TBL1XR1: variants seen among roughly 807,000 people sequenced by gnomAD.
TBL1XR1 encodes F-box-like/WD repeat-containing protein TBL1XR1.
In TBL1XR1, 5 loss-of-function variants were observed where a neutral mutation model predicts 66.9. The observed-to-expected ratio is 0.07, with a 90% CI of 0.04 to 0.16. The LOEUF (loss-of-function observed/expected upper bound fraction) is 0.16. TBL1XR1 is among the 10% of genes least tolerant of loss of function. The pLI, the probability that TBL1XR1 is intolerant of heterozygous loss-of-function variation, is 1.00. For missense variants in TBL1XR1, 238 were observed against 623.2 expected, an observed-to-expected ratio of 0.38 and a Z score of 6.58; for synonymous variants, 210 against 206.0, an observed-to-expected ratio of 1.02 and a Z score of -0.17.
chr3:177,090,355 T>TAA (rs1722670335), intron 2 of TBL1XR1, among the ~76,000 whole-genome samples: 1 of 152,110 alleles, frequency 6.6e-6, no homozygotes, highest in South Asian at 2.1e-4. Flanking sequence ...CAAATATTTT[T>TAA]AAATTCTAAA....
At chr3:177,134,584 T>C (rs557956431) in intron 1 of TBL1XR1, among the ~76,000 whole-genome samples, 2 of 152,328 alleles carry the variant, frequency 1.3e-5, no homozygotes, top group South Asian at 4.1e-4. Context: ...TTTGCAGCTT[T>C]AAGATAATTC....
intron 2 of TBL1XR1, among the ~76,000 whole-genome samples, chr3:177,084,103 GA>G (rs1164650662): frequency 1.1e-5 from 1 of 88,788 alleles, no homozygotes; most frequent in Non-Finnish European, 2.5e-5. Flanking sequence ...AAAAAAAAAA[GA>G]AAAAAGAAAA....
At chr3:177,193,993 G>A (rs181323740) in intron 1 of TBL1XR1, 42 of 152,326 alleles carry the variant, frequency 2.8e-4, no homozygotes, top group African/African-American at 9.9e-4. Flanking sequence ...ACACCTCCTA[G>A]AGCATAGCCC....
chr3:177,197,769 G>A (rs548873458), upstream of TBL1XR1, among the ~76,000 whole-genome samples: 58 of 147,388 alleles, frequency 3.9e-4, no homozygotes, highest in Non-Finnish European at 7.7e-4. Flanking sequence ...GGCACTGGGG[G>A]CTGGGCTGTG....
At chr3:177,061,456 A>G (rs565599727) in intron 3 of TBL1XR1, among the ~76,000 whole-genome samples, 1 of 152,230 alleles carries the variant, frequency 6.6e-6, no homozygotes, top group African/African-American at 2.4e-5. Flanking sequence ...ACTAAACCAC[A>G]TATTTATCAA....
intron 1 of TBL1XR1, among the ~76,000 whole-genome samples, chr3:177,159,286 C>T (rs566278661): frequency 2.8e-4 from 42 of 152,084 alleles, no homozygotes; most frequent in Non-Finnish European, 5.0e-4. Context: ...TATATCAATT[C>T]TCTAATGCTA....
intron 2 of TBL1XR1, among the ~76,000 whole-genome samples, chr3:177,084,795 C>T (rs1338182372): frequency 1.3e-5 from 2 of 152,232 alleles, no homozygotes; most frequent in African/African-American, 2.4e-5. Context: ...ACTCCAATGC[C>T]ATTCTCTTAA....
intron 10 of TBL1XR1, among the ~76,000 whole-genome samples, chr3:177,042,685 G>C (rs1715754493): frequency 6.6e-6 from 1 of 152,098 alleles, no homozygotes; most frequent in African/African-American, 2.4e-5. Flanking sequence ...TGACAAGTGA[G>C]AGAAGTGTGT....
At chr3:177,191,008 G>A (rs1260437994) in intron 1 of TBL1XR1, among the ~76,000 whole-genome samples, 1 of 152,180 alleles carries the variant, frequency 6.6e-6, no homozygotes, top group African/African-American at 2.4e-5. Context: ...ATTCATGGAA[G>A]AAGGGGGACT....
intron 1 of TBL1XR1, among the ~76,000 whole-genome samples, chr3:177,133,547 A>G (rs958561876): frequency 6.6e-6 from 1 of 152,224 alleles, no homozygotes; most frequent in African/African-American, 2.4e-5. Context: ...TCATATGCAG[A>G]CACACAGAAG....
At chr3:177,076,291 C>T (rs1720691855) in intron 2 of TBL1XR1, among the ~76,000 whole-genome samples, 1 of 152,188 alleles carries the variant, frequency 6.6e-6, no homozygotes, top group Non-Finnish European at 1.5e-5. Flanking sequence ...GGGACAAATT[C>T]GGACCATAGA....
intron 14 of TBL1XR1, among the ~76,000 whole-genome samples, chr3:177,028,193 T>C (rs1713427892): frequency 6.6e-6 from 1 of 152,132 alleles, no homozygotes; most frequent in Non-Finnish European, 1.5e-5. Context: ...AGGCAACTCA[T>C]CATACAAGAA....
chr3:177,101,841 C>T (rs1724259151), intron 1 of TBL1XR1, among the ~76,000 whole-genome samples: 1 of 152,186 alleles, frequency 6.6e-6, no homozygotes, highest in African/African-American at 2.4e-5. Context: ...ATCACCGGTG[C>T]TTTGCGGAAC....
At chr3:177,179,152 G>T (rs1734508596) in intron 1 of TBL1XR1, among the ~76,000 whole-genome samples, 1 of 151,090 alleles carries the variant, frequency 6.6e-6, no homozygotes, top group Non-Finnish European at 1.5e-5. Flanking sequence ...GATACTTGGG[G>T]CTGTGAAGAG....
chr3:177,156,851 G>A (rs534189264), intron 1 of TBL1XR1, among the ~76,000 whole-genome samples: 17 of 152,132 alleles, frequency 1.1e-4, no homozygotes, highest in Non-Finnish European at 2.1e-4. Context: ...TGCTACATCC[G>A]CACAACAAAA....
At chr3:177,153,686 G>C (rs1333227319) in intron 1 of TBL1XR1, among the ~76,000 whole-genome samples, 1 of 152,058 alleles carries the variant, frequency 6.6e-6, no homozygotes, top group Non-Finnish European at 1.5e-5. Context: ...TCAGGAGTTT[G>C]AGACCAGCCT....
intron 3 of TBL1XR1, among the ~76,000 whole-genome samples, chr3:177,054,711 G>T (rs1017819523): frequency 3.3e-5 from 5 of 152,068 alleles, no homozygotes; most frequent in African/African-American, 1.2e-4. Flanking sequence ...TGAATTAAGT[G>T]CTTTAAAAAT....
chr3:177,160,174 T>C (rs1464385933), intron 1 of TBL1XR1, among the ~76,000 whole-genome samples: 4 of 152,026 alleles, frequency 2.6e-5, no homozygotes, highest in Non-Finnish European at 4.4e-5. Flanking sequence ...TTGCAAACCA[T>C]GTAAGTAGAA....
intron 2 of TBL1XR1, among the ~76,000 whole-genome samples, chr3:177,083,409 T>G (rs949803039): frequency 2.0e-5 from 3 of 152,352 alleles, no homozygotes; most frequent in Admixed American, 6.5e-5. Flanking sequence ...TTCATATTTC[T>G]CTATCTTTCT....
Sources: allele counts gnomAD v4.1 joint callset (sites outside exome capture counted in the v4.1 genomes callset), GRCh38; gene constraint gnomAD v4.1.1; transcripts MANE v1.5; gene names NCBI Gene and HGNC (gene_info 2026-07-23, HGNC 2026-07-21).